SH3YL1: variants seen among roughly 807,000 people sequenced by gnomAD.
SH3YL1 encodes the protein SH3 and SYLF domain containing 1.
A neutral mutation model predicts 45.8 loss-of-function variants in SH3YL1; 41 were observed. That is an observed-to-expected ratio of 0.89 (90% CI 0.70 to 1.16). The LOEUF is 1.16. Among genes scored for constraint, SH3YL1 ranks in the 50% most tolerant of loss-of-function variants. The pLI is 0.00. For synonymous variants in SH3YL1, 152 were observed against 151.4 expected (o/e 1.00, Z -0.03); for missense variants, 389 against 409.6 (o/e 0.95, Z 0.43).
rs1558249422 is a variant in SH3YL1, at chr2:249,841, T to C, written c.116A>G (p.His39Arg). Residue 39 changes from histidine to arginine, a missense_variant, in exon 3 of 10, where the codon CAC becomes CGC. Coordinates refer to ENST00000356150, the MANE Select transcript of SH3YL1 (RefSeq NM_015677.4). ...RNGPDKIIPAHVIAKAKGLAI... is the reference protein window; with the variant it reads ...RNGPDKIIPARVIAKAKGLAI... ...AAGGCCTTTAGCCTTCGCAATTACGTGAGCTGTTAACGTGGAAAACAATGG... is the reference window on the plus strand; with the variant it reads ...AAGGCCTTTAGCCTTCGCAATTACGCGAGCTGTTAACGTGGAAAACAATGG... 1 of 1,549,568 alleles carries C rather than the reference T, an allele frequency of 6.5e-7. No homozygotes were observed. The highest frequency in any genetic ancestry group is 2.0e-5 in the Admixed American group (1 of 51,006).
At chr2:257,559 C>T (rs987135656) in intron 1 of SH3YL1, among the ~76,000 whole-genome samples, 4 of 152,212 alleles carry the variant, frequency 2.6e-5, no homozygotes, top group East Asian at 1.9e-4. Context: ...TCATACACTG[C>T]TAAGTGTTCA....
chr2:253,982 C>A (rs1466125404), intron 1 of SH3YL1, among the ~76,000 whole-genome samples: 1 of 152,020 alleles, frequency 6.6e-6, no homozygotes, highest in African/African-American at 2.4e-5. Context: ...TCCTTGGGCC[C>A]CAAAGGATGT....
intron 9 of SH3YL1, among the ~76,000 whole-genome samples, chr2:220,201 A>AATG (rs1033262947): frequency 3.3e-5 from 5 of 150,212 alleles, no homozygotes; most frequent in African/African-American, 1.2e-4. Context: ...TAATAATAAT[A>AATG]ATAATAATAA....
intron 4 of SH3YL1, among the ~76,000 whole-genome samples, chr2:244,011 AG>A (rs757683578): frequency 2.0e-5 from 3 of 152,146 alleles, no homozygotes; most frequent in Non-Finnish European, 4.4e-5. Flanking sequence ...GACAGACTAC[AG>A]GGAACTCTGT....
upstream of SH3YL1, chr2:264,477 C>A: frequency 1.1e-5 from 2 of 179,580 alleles, no homozygotes; most frequent in South Asian, 1.4e-4. Context: ...CTGCAGGTGA[C>A]CCGCGGCCCT....
In SH3YL1 at chr2:231,067, G is replaced by A. The variant is rs148344066; in HGVS notation, c.658C>T (p.Arg220Ter). ...CTTGCTGCTTTTCTTGCATTGATTC[G>A]TTGTCCTTCATTTTCATACTTTTCA... The part of the protein sequence containing the change: ...FTEKYENEGQ[R>*]INARKAAREQ... Residue 220 changes from arginine (R) to a stop codon, truncating the protein, a stop_gained, in exon 7 of 10, where the codon CGA becomes TGA. Coordinates refer to ENST00000356150, the MANE Select transcript of SH3YL1 (RefSeq NM_015677.4). LOFTEE classifies it high-confidence loss of function. 498 of 1,614,044 alleles carry A rather than the reference G, an allele frequency of 3.1e-4. 7 individuals are homozygous for A. In the South Asian group the frequency reaches 4.6e-3, roughly 15 times the overall value.
intron 9 of SH3YL1, among the ~76,000 whole-genome samples, chr2:219,469 G>C (rs1667486443): frequency 6.6e-6 from 1 of 152,104 alleles, no homozygotes; most frequent in African/African-American, 2.4e-5. Context: ...CTCCTTGTGA[G>C]GACACAGCCA....
At chr2:248,218 C>T (rs1034937876) in intron 3 of SH3YL1, among the ~76,000 whole-genome samples, 5 of 152,110 alleles carry the variant, frequency 3.3e-5, no homozygotes, top group Admixed American at 6.5e-5. Context: ...TTACTATATG[C>T]TTATTTTTCT....
intron 9 of SH3YL1, chr2:222,711 C>T (rs1667628390): frequency 6.6e-6 from 1 of 152,276 alleles, no homozygotes; most frequent in Non-Finnish European, 1.5e-5. Flanking sequence ...CTGGACCTTC[C>T]AAAGGGCAAA....
In SH3YL1 at chr2:237,402, G is replaced by A. The variant is rs533891904; in HGVS notation, c.292-3130C>T. Among the ~76,000 whole-genome samples, 6 of 152,096 alleles carry A rather than the reference G, an allele frequency of 3.9e-5. No homozygotes were observed. The East Asian group carries it at 7.7e-4, about 20-fold the overall frequency. Reference sequence around the variant, plus strand: ...TCAAAAGCTCTGCAGACAGCTTGGCGAGCATGTGAGCAGCAATGGCCCTCA... The same window carrying A: ...TCAAAAGCTCTGCAGACAGCTTGGCAAGCATGTGAGCAGCAATGGCCCTCA... On this transcript the variant is annotated intron_variant, in intron 4 of 9. Transcript: ENST00000356150.
intron 9 of SH3YL1, among the ~76,000 whole-genome samples, chr2:224,365 A>G (rs1438122267): frequency 6.6e-6 from 1 of 152,260 alleles, no homozygotes; most frequent in Non-Finnish European, 1.5e-5. Flanking sequence ...TCTTAGAAAT[A>G]TAAAATTTAT....
At chr2:243,212 C>T (rs1668622807) in intron 4 of SH3YL1, among the ~76,000 whole-genome samples, 1 of 152,122 alleles carries the variant, frequency 6.6e-6, no homozygotes, top group Non-Finnish European at 1.5e-5. Flanking sequence ...TACCCAATAA[C>T]ACAGAACACA....
intron 7 of SH3YL1, 166 bp downstream of exon 7, chr2:230,857 G>T: frequency 1.5e-6 from 1 of 661,466 alleles, no homozygotes; most frequent in Non-Finnish European, 2.7e-6. Flanking sequence ...CCTGAAATCT[G>T]TACAGAGGAA....
chr2:243,593 T>C, intron 4 of SH3YL1: 1 of 1,519,786 alleles, frequency 6.6e-7, no homozygotes, highest in Non-Finnish European at 8.8e-7. Flanking sequence ...CTCGAGTCGG[T>C]AACCTGAACT....
intron 4 of SH3YL1, among the ~76,000 whole-genome samples, chr2:246,758 C>A (rs948108114): frequency 3.3e-5 from 5 of 152,032 alleles, no homozygotes; most frequent in Admixed American, 1.3e-4. Flanking sequence ...AAATATGTTC[C>A]TTTTATACTA....
At chr2:241,862 A>C (rs563754983) in intron 4 of SH3YL1, 1 of 152,182 alleles carries the variant, frequency 6.6e-6, no homozygotes, top group East Asian at 1.9e-4. Flanking sequence ...AGTTGAGAGA[A>C]TTTGTTGCTA....
intron 1 of SH3YL1, chr2:260,689 A>G (rs758273172): frequency 1.1e-4 from 16 of 152,264 alleles, no homozygotes; most frequent in Non-Finnish European, 1.9e-4. Flanking sequence ...CAAATGGACC[A>G]GCAACATCTT....
chr2:253,139 T>C (rs1669147847), intron 1 of SH3YL1, 24 bp from the exon 2 acceptor site: 14 of 1,301,346 alleles, frequency 1.1e-5, no homozygotes, highest in African/African-American at 1.5e-5. Context: ...AAAGATATTT[T>C]AATGAAAAAT....
rs745931782 is a variant in SH3YL1, at chr2:249,825, A to C, written c.132T>G (p.Ala44=). 5.2e-6 allele frequency: 8 copies of C among 1,552,000 alleles called. No individual in the cohort carries two copies. The South Asian group carries it at 8.3e-5, about 16-fold the overall frequency. ...KIIPAHVIAK[A]KGLAILSVIK... ...TCACAGACAGAATTGCAAGGCCTTT[A>C]GCCTTCGCAATTACGTGAGCTGTTA... The change falls in exon 3 of 10, where the codon GCT becomes GCG. Residue 44 remains alanine, a synonymous_variant. Transcript: ENST00000356150.
Sources: gnomAD v4.1 joint callset for allele counts (sites outside exome capture counted in the v4.1 genomes callset) on GRCh38, gnomAD v4.1.1 for gene constraint, MANE v1.5 for transcripts, NCBI Gene and HGNC (gene_info 2026-07-23, HGNC 2026-07-21) for gene names.